Variants in HMGCLL1 observed in about 807,000 individuals in gnomAD.
HMGCLL1 encodes 3-hydroxy-3-methylglutaryl-CoA lyase like 1.
HMGCLL1 carries 36 observed loss-of-function variants against 39.1 expected under a neutral mutation model. That is an observed-to-expected ratio of 0.92 (90% confidence interval 0.71 to 1.22). The LOEUF (loss-of-function observed/expected upper bound fraction) is 1.22. Among genes scored for constraint, HMGCLL1 ranks in the 50% most tolerant of loss-of-function variants. HMGCLL1 has a pLI of 0.00. For synonymous variants in HMGCLL1, 149 were observed against 144.0 expected, an observed-to-expected ratio of 1.03 and a Z score of -0.25; for missense variants, 451 against 416.5, an observed-to-expected ratio of 1.08 and a Z score of -0.72.
chr6:55,639,101 T>G, the HMGCLL1 span, among the ~76,000 whole-genome samples: 1 of 152,108 alleles, frequency 6.6e-6, no homozygotes, highest in African/African-American at 2.4e-5. Context: ...TTAGTTTTCT[T>G]ATTCATGAAA....
chr6:55,518,814 G>T (rs1273828099), intron 3 of HMGCLL1, among the ~76,000 whole-genome samples: 1 of 152,132 alleles, frequency 6.6e-6, no homozygotes, highest in Non-Finnish European at 1.5e-5. Context: ...TCATCCAGCT[G>T]AGGCCCTAGA....
chr6:55,605,420 T>C, the HMGCLL1 span, among the ~76,000 whole-genome samples: 1 of 151,282 alleles, frequency 6.6e-6, no homozygotes, highest in African/African-American at 2.4e-5. Flanking sequence ...TAGAATGATA[T>C]TTCTGCATAA....
At chr6:55,657,420 G>C in the HMGCLL1 span, among the ~76,000 whole-genome samples, 1 of 152,028 alleles carries the variant, frequency 6.6e-6, no homozygotes, top group African/African-American at 2.4e-5. Context: ...TGGCTAGCCT[G>C]TTAGCCCAGT....
chr6:55,621,296 T>C, the HMGCLL1 span, among the ~76,000 whole-genome samples: 21 of 152,134 alleles, frequency 1.4e-4, no homozygotes, highest in Admixed American at 1.0e-3. Context: ...TTCAGTTTCT[T>C]GCATGACTGT....
chr6:55,618,522 A>G, the HMGCLL1 span, among the ~76,000 whole-genome samples: 1 of 152,064 alleles, frequency 6.6e-6, no homozygotes, highest in African/African-American at 2.4e-5. Flanking sequence ...AAATAATTCA[A>G]TGTATTTTTA....
chr6:55,531,390 A>C (rs1031920758), intron 3 of HMGCLL1, among the ~76,000 whole-genome samples: 4 of 152,210 alleles, frequency 2.6e-5, no homozygotes, highest in Admixed American at 2.0e-4. Flanking sequence ...AATTACATAC[A>C]GACCTTTCAA....
the HMGCLL1 span, among the ~76,000 whole-genome samples, chr6:55,613,517 C>A: frequency 3.9e-4 from 60 of 152,130 alleles, no homozygotes; most frequent in South Asian, 0.012. Flanking sequence ...CAGCACTATT[C>A]TCAATAGCAA....
chr6:55,652,035 G>T, the HMGCLL1 span, among the ~76,000 whole-genome samples: 137 of 152,158 alleles, frequency 9.0e-4, 1 homozygote, highest in Non-Finnish European at 1.6e-3. Flanking sequence ...TTAGTGATAT[G>T]AAGTTAAAAC....
chr6:55,667,088 G>A, the HMGCLL1 span, among the ~76,000 whole-genome samples: 74 of 151,744 alleles, frequency 4.9e-4, 1 homozygote, highest in East Asian at 0.014. Context: ...TGGGTTTCCA[G>A]TAGAGATATT....
chr6:55,483,645 G>A (rs1177955621), intron 7 of HMGCLL1, among the ~76,000 whole-genome samples: 1 of 152,100 alleles, frequency 6.6e-6, no homozygotes, highest in East Asian at 1.9e-4. Flanking sequence ...TTAAAAGTGT[G>A]GCATTTGCAC....
At chr6:55,552,109 A>G (rs938432816) in intron 1 of HMGCLL1, among the ~76,000 whole-genome samples, 2 of 152,020 alleles carry the variant, frequency 1.3e-5, no homozygotes, top group African/African-American at 4.8e-5. Flanking sequence ...TTTTAAAAAA[A>G]TGCAGGGATC....
chr6:55,657,080 T>C, the HMGCLL1 span, among the ~76,000 whole-genome samples: 1 of 152,036 alleles, frequency 6.6e-6, no homozygotes, highest in Admixed American at 6.6e-5. Context: ...TTTAAGTTCC[T>C]TACAGATGCT....
intron 7 of HMGCLL1, among the ~76,000 whole-genome samples, chr6:55,455,529 A>T (rs1182878058): frequency 6.6e-6 from 1 of 152,202 alleles, no homozygotes; most frequent in Non-Finnish European, 1.5e-5. Context: ...TAGAAAACAT[A>T]ATATAATCCA....
intron 1 of HMGCLL1, among the ~76,000 whole-genome samples, chr6:55,562,410 A>G (rs1770993678): frequency 1.3e-5 from 2 of 152,132 alleles, no homozygotes; most frequent in Admixed American, 1.3e-4. Context: ...GGGTACTGAA[A>G]GAAACACACA....
chr6:55,458,147 T>G (rs1299620793), intron 7 of HMGCLL1, among the ~76,000 whole-genome samples: 1 of 152,230 alleles, frequency 6.6e-6, no homozygotes, highest in Non-Finnish European at 1.5e-5. Flanking sequence ...CTCATGTTTT[T>G]CCTTAAGTCT....
intron 3 of HMGCLL1, among the ~76,000 whole-genome samples, chr6:55,523,569 C>A (rs7745290): frequency 0.68 from 103,228 of 151,660 alleles, 35,181 homozygotes; most frequent in Admixed American, 0.72. Flanking sequence ...CCAGACTCTG[C>A]CAATTGGGAG....
At chr6:55,654,815 C>T in the HMGCLL1 span, among the ~76,000 whole-genome samples, 1 of 151,868 alleles carries the variant, frequency 6.6e-6, no homozygotes, top group Admixed American at 6.6e-5. Flanking sequence ...CAACCCTTTC[C>T]AGGATTCATT....
intron 7 of HMGCLL1, among the ~76,000 whole-genome samples, chr6:55,467,371 G>A (rs891635209): frequency 2.0e-5 from 3 of 151,748 alleles, no homozygotes; most frequent in Non-Finnish European, 2.9e-5. Flanking sequence ...GGCTTCTTAC[G>A]TACAAGCATG....
chr6:55,443,529 ATTC>A (rs1763693656), intron 7 of HMGCLL1, among the ~76,000 whole-genome samples: 3 of 152,198 alleles, frequency 2.0e-5, no homozygotes, highest in African/African-American at 4.8e-5. Context: ...AACAACAGTC[ATTC>A]TTCTATTTTG....
Sources: gnomAD v4.1 joint callset for allele counts (sites outside exome capture counted in the v4.1 genomes callset) on GRCh38, gnomAD v4.1.1 for gene constraint, MANE v1.5 for transcripts, NCBI Gene and HGNC (gene_info 2026-07-23, HGNC 2026-07-21) for gene names.